The following FLI1 variants were observed in gnomAD, a reference collection of about 807,000 sequenced individuals.
FLI1 encodes Fli-1 proto-oncogene, ETS transcription factor, also known as Friend leukemia integration 1 transcription factor.
FLI1 carries 13 observed loss-of-function variants against 53.1 expected under a neutral mutation model. The ratio of observed to expected loss-of-function variants is 0.24; its 90% CI spans 0.16 to 0.39. The LOEUF (loss-of-function observed/expected upper bound fraction) is 0.39, where lower values mean the gene tolerates loss of function less well. Ranked by LOEUF, FLI1 falls within the 10% of genes least tolerant of loss-of-function variation. The pLI, the probability that FLI1 is intolerant of heterozygous loss-of-function variation, is 1.00. For missense variants in FLI1, 424 were observed against 600.5 expected (o/e 0.71, Z 3.07); for synonymous variants, 244 against 236.7 (o/e 1.03, Z -0.28).
intron 1 of FLI1, among the ~76,000 whole-genome samples, chr11:128,746,557 T>C (rs1281997690): frequency 1.3e-5 from 2 of 152,194 alleles, no homozygotes; most frequent in African/African-American, 4.8e-5. Flanking sequence ...CCTCTTGGTC[T>C]AGCTGCCAGG....
At chr11:128,717,085 C>T (rs552793341) in intron 1 of FLI1, among the ~76,000 whole-genome samples, 2 of 152,184 alleles carry the variant, frequency 1.3e-5, no homozygotes, top group African/African-American at 4.8e-5. Context: ...TTGGTCCTAC[C>T]GGCTTGGCTT....
At chr11:128,768,583 G>T (rs374898975) in intron 3 of FLI1, 6 of 312,450 alleles carry the variant, frequency 1.9e-5, no homozygotes, top group African/African-American at 1.3e-4. Context: ...CAGCTACTCA[G>T]GGGGCTGAAG....
At chr11:128,685,883 A>C (rs1025423312), upstream of FLI1, among the ~76,000 whole-genome samples, 2 of 152,100 alleles carry the variant, frequency 1.3e-5, no homozygotes, top group Non-Finnish European at 2.9e-5. Flanking sequence ...AGTCAGGGAG[A>C]GACCCACTCA....
At chr11:128,692,388 G>T (rs1234562535), upstream of FLI1, among the ~76,000 whole-genome samples, 1 of 152,082 alleles carries the variant, frequency 6.6e-6, no homozygotes, top group Non-Finnish European at 1.5e-5. Context: ...CCTGGATTGA[G>T]AAGCAGACAG....
intron 5 of FLI1, among the ~76,000 whole-genome samples, chr11:128,801,884 G>A (rs1307066232): frequency 6.6e-6 from 1 of 152,074 alleles, no homozygotes; most frequent in Non-Finnish European, 1.5e-5. Flanking sequence ...GGAGGGAGGG[G>A]GATATGAACC....
upstream of FLI1, chr11:128,686,404 T>C (rs900555064): frequency 1.1e-5 from 5 of 455,974 alleles, no homozygotes; most frequent in African/African-American, 8.0e-5. Context: ...TGGTGTGAGG[T>C]GGCTCTCAGT....
At chr11:128,690,086 G>C (rs1485198271), upstream of FLI1, among the ~76,000 whole-genome samples, 1 of 152,258 alleles carries the variant, frequency 6.6e-6, no homozygotes, top group Admixed American at 6.5e-5. Flanking sequence ...GGCTTGAGCT[G>C]CCTTGTTTGG....
intron 4 of FLI1, among the ~76,000 whole-genome samples, chr11:128,780,591 G>A (rs531265271): frequency 1.3e-4 from 19 of 147,350 alleles, no homozygotes; most frequent in African/African-American, 3.0e-4. Flanking sequence ...GCGAAACTCC[G>A]TTTCAAAAAA....
At chr11:128,794,141 C>T (rs1031066853) in intron 5 of FLI1, among the ~76,000 whole-genome samples, 1 of 152,220 alleles carries the variant, frequency 6.6e-6, no homozygotes, top group African/African-American at 2.4e-5. Flanking sequence ...GACGACAGAG[C>T]GAGGACTGCA....
At chr11:128,757,106 TTCTTTC>T (rs1940921649) in intron 1 of FLI1, among the ~76,000 whole-genome samples, 1 of 141,180 alleles carries the variant, frequency 7.1e-6, no homozygotes, top group Admixed American at 7.0e-5. Context: ...CTTTCTTTCT[TTCTTTC>T]TCTCTTTCTG....
chr11:128,791,255 C>T (rs1942260940), intron 5 of FLI1, among the ~76,000 whole-genome samples: 2 of 152,168 alleles, frequency 1.3e-5, no homozygotes, highest in African/African-American at 2.4e-5. Context: ...TCAAACATGA[C>T]TTGGTTCCTG....
intron 2 of FLI1, among the ~76,000 whole-genome samples, chr11:128,763,095 AG>A (rs1476696978): frequency 2.0e-5 from 3 of 151,868 alleles, no homozygotes; most frequent in African/African-American, 7.3e-5. Flanking sequence ...TGGGCTTCTG[AG>A]TTATGTCTTC....
At chr11:128,793,454 C>T (rs1275069386) in intron 5 of FLI1, among the ~76,000 whole-genome samples, 1 of 152,160 alleles carries the variant, frequency 6.6e-6, no homozygotes, top group Non-Finnish European at 1.5e-5. Flanking sequence ...TAATCTCCTT[C>T]CATTGCTCTG....
intron 5 of FLI1, among the ~76,000 whole-genome samples, chr11:128,800,569 G>T (rs181623857): frequency 1.3e-5 from 2 of 152,158 alleles, no homozygotes; most frequent in Non-Finnish European, 2.9e-5. Context: ...AGTTAACATT[G>T]GTATGTCTAT....
chr11:128,787,892 C>T (rs540905902), intron 5 of FLI1, among the ~76,000 whole-genome samples: 7 of 151,060 alleles, frequency 4.6e-5, no homozygotes, highest in Admixed American at 4.6e-4. Context: ...CTGCAAGCTC[C>T]ACCTCCCGGG....
intron 1 of FLI1, among the ~76,000 whole-genome samples, chr11:128,708,135 TGGTTTCCCCATTGCCGTGCATG>T (rs1437920202): frequency 1.3e-5 from 2 of 152,096 alleles, no homozygotes; most frequent in Non-Finnish European, 2.9e-5. Flanking sequence ...GTGGGTGCCT[TGGTTTCCCCATTGCCGTGCATG>T]GGGGAGGAAG....
upstream of FLI1, among the ~76,000 whole-genome samples, chr11:128,690,140 C>T (rs1379959242): frequency 1.3e-5 from 2 of 151,920 alleles, no homozygotes; most frequent in African/African-American, 2.4e-5. Context: ...AAATAAATCT[C>T]AAATTAATTA....
intron 7 of FLI1, among the ~76,000 whole-genome samples, chr11:128,807,894 C>T (rs1278888166): frequency 6.6e-6 from 1 of 152,198 alleles, no homozygotes; most frequent in African/African-American, 2.4e-5. Flanking sequence ...CCTCCGAAAT[C>T]CTTTGCATAT....
At chr11:128,689,796 G>T (rs1937663441), upstream of FLI1, among the ~76,000 whole-genome samples, 1 of 152,214 alleles carries the variant, frequency 6.6e-6, no homozygotes, top group African/African-American at 2.4e-5. Flanking sequence ...CTCCCTCGGG[G>T]TTTCCTCAGC....
Sources: gnomAD v4.1 joint callset for allele counts (sites outside exome capture counted in the v4.1 genomes callset) on GRCh38, gnomAD v4.1.1 for gene constraint, MANE v1.5 for transcripts, NCBI Gene and HGNC (gene_info 2026-07-23, HGNC 2026-07-21) for gene names.